Variants in HLCS observed in about 807,000 individuals in gnomAD.
HLCS encodes biotin--protein ligase.
Under a neutral mutation model 75.0 loss-of-function variants are expected in HLCS, and 53 were observed. The ratio of observed to expected loss-of-function variants is 0.71; its 90% CI spans 0.57 to 0.89. The LOEUF is 0.89. HLCS is among the 40% of genes least tolerant of loss of function. HLCS has a pLI of 0.00. For synonymous variants in HLCS, 431 were observed against 428.6 expected, an observed-to-expected ratio of 1.01 and a Z score of -0.07; for missense variants, 966 against 1,074.0, an observed-to-expected ratio of 0.90 and a Z score of 1.41.
chr21:36,839,719 A>C (rs2062550827), intron 6 of HLCS, among the ~76,000 whole-genome samples: 1 of 136,476 alleles, frequency 7.3e-6, no homozygotes, highest in African/African-American at 2.8e-5. Flanking sequence ...AATATCCTAC[A>C]CACATGTTTC....
chr21:36,920,043 G>C (rs926252493), intron 5 of HLCS, among the ~76,000 whole-genome samples: 7 of 152,242 alleles, frequency 4.6e-5, no homozygotes, highest in Admixed American at 2.6e-4. Context: ...ATGAGAATTT[G>C]GTGACGCACC....
chr21:36,888,441 AAAAAATATATATATATATATATAT>A (rs1436611817), intron 6 of HLCS, among the ~76,000 whole-genome samples: 14 of 31,548 alleles, frequency 4.4e-4, no homozygotes, highest in South Asian at 1.5e-3. Flanking sequence ...TTAAAAAAAA[AAAAAATATATATATATATATATAT>A]ATATATATAT....
At chr21:36,790,467 G>A (rs1020872123) in intron 6 of HLCS, among the ~76,000 whole-genome samples, 1 of 152,136 alleles carries the variant, frequency 6.6e-6, no homozygotes, top group Non-Finnish European at 1.5e-5. Flanking sequence ...GATGTAGAGG[G>A]TGAAAACAGC....
At chr21:36,763,127 C>T (rs527311270) in intron 8 of HLCS, among the ~76,000 whole-genome samples, 29 of 152,128 alleles carry the variant, frequency 1.9e-4, no homozygotes, top group Non-Finnish European at 4.1e-4. Flanking sequence ...CGAGTTCAAG[C>T]GATTCTTGTG....
chr21:36,834,909 G>A (rs2062354965), intron 6 of HLCS, among the ~76,000 whole-genome samples: 1 of 152,194 alleles, frequency 6.6e-6, no homozygotes, highest in African/African-American at 2.4e-5. Context: ...TTTTTAGGCT[G>A]AAAGATGAGA....
chr21:36,756,607 G>A lies in HLCS; in HGVS notation c.2385C>T (p.Ile795=), dbSNP rs747302103. 3 of 1,614,040 alleles carry A rather than the reference G, an allele frequency of 1.9e-6. No homozygotes were observed. The East Asian group carries it at 6.7e-5, about 36-fold the overall frequency. Residue 795 remains isoleucine (I), a synonymous_variant, in exon 10 of 11, where the codon ATC becomes ATT. Transcript: ENST00000674895. ...ARVVTVLEKL[I]KEFQDKGPNS... is the part of the protein sequence containing the mutation. ...TGGGCCCTTTGTCCTGAAACTCTTT[G>A]ATCAGTTTCTCCAGCACAGTCACGA... is the stretch of plus-strand genomic sequence containing the variant.
chr21:36,844,916 C>T (rs1004475035), intron 6 of HLCS, among the ~76,000 whole-genome samples: 9 of 152,178 alleles, frequency 5.9e-5, no homozygotes, highest in East Asian at 3.9e-4. Flanking sequence ...CTATTAAAGA[C>T]GGGGTTTCAA....
At chr21:36,901,225 A>G (rs1222619119) in intron 5 of HLCS, among the ~76,000 whole-genome samples, 1 of 152,170 alleles carries the variant, frequency 6.6e-6, no homozygotes, top group East Asian at 1.9e-4. Context: ...CCTGAGCAAC[A>G]GAGAAAGACT....
intron 6 of HLCS, among the ~76,000 whole-genome samples, chr21:36,853,971 T>C (rs2063100952): frequency 6.6e-6 from 1 of 152,224 alleles, no homozygotes; most frequent in African/African-American, 2.4e-5. Context: ...AAATGGGTTA[T>C]ATTAGTATAT....
chr21:36,896,958 G>T lies in HLCS; in HGVS notation c.1794C>A (p.Phe598Leu), dbSNP rs1601665712. 1 of 1,614,164 alleles carries T rather than the reference G, an allele frequency of 6.2e-7. No individual in the cohort carries two copies. The highest frequency in any genetic ancestry group is 8.5e-7 in the Non-Finnish European group (1 of 1,180,022). ...GATTTTGGCGATAGATCTCTAAGTT[G>T]AAATGTTCTGATGAGAAGGCCTCCA... ...TNMEAFSSEH[F>L]NLEIYRQNLQ... Residue 598 changes from phenylalanine (F) to leucine (L), a missense_variant, in exon 6 of 11, where the codon TTC becomes TTA. Coordinates refer to ENST00000674895, the MANE Select transcript of HLCS (RefSeq NM_001352514.2).
chr21:36,786,959 G>A (rs1158717477), intron 6 of HLCS, among the ~76,000 whole-genome samples: 1 of 152,212 alleles, frequency 6.6e-6, no homozygotes, highest in Non-Finnish European at 1.5e-5. Flanking sequence ...TTCGGCAGGG[G>A]TGGTCGGGGC....
At chr21:36,890,163 C>A (rs536388421) in intron 6 of HLCS, among the ~76,000 whole-genome samples, 1 of 152,330 alleles carries the variant, frequency 6.6e-6, no homozygotes, top group South Asian at 2.1e-4. Flanking sequence ...GAGGCCTCCC[C>A]AGCCGTGCTG....
At chr21:36,929,359 T>C (rs1347326388) in intron 5 of HLCS, among the ~76,000 whole-genome samples, 7 of 152,242 alleles carry the variant, frequency 4.6e-5, no homozygotes, top group African/African-American at 1.2e-4. Flanking sequence ...GGACTGGCAG[T>C]GCTCTCAGAT....
At chr21:36,808,588 G>C (rs942117261) in intron 6 of HLCS, among the ~76,000 whole-genome samples, 23 of 152,088 alleles carry the variant, frequency 1.5e-4, no homozygotes, top group African/African-American at 5.6e-4. Flanking sequence ...CCTTACAGCT[G>C]TTACATGTAT....
At chr21:36,897,752 G>T (rs2065071014) in intron 5 of HLCS, among the ~76,000 whole-genome samples, 1 of 152,152 alleles carries the variant, frequency 6.6e-6, no homozygotes, top group Non-Finnish European at 1.5e-5. Flanking sequence ...GGAGGAGAAG[G>T]AAGGCAAAAC....
intron 6 of HLCS, among the ~76,000 whole-genome samples, chr21:36,813,434 A>T (rs2061569728): frequency 6.6e-6 from 1 of 152,228 alleles, no homozygotes; most frequent in South Asian, 2.1e-4. Context: ...GTCCTGAAAG[A>T]ATTCTACCAC....
intron 5 of HLCS, among the ~76,000 whole-genome samples, chr21:36,921,606 G>A (rs1046561085): frequency 6.6e-6 from 1 of 152,094 alleles, no homozygotes. Flanking sequence ...CCTATGATAC[G>A]CATGTTCAGG....
At chr21:36,880,161 C>G (rs1448649060) in intron 6 of HLCS, among the ~76,000 whole-genome samples, 1 of 152,166 alleles carries the variant, frequency 6.6e-6, no homozygotes, top group African/African-American at 2.4e-5. Flanking sequence ...CACTTCATGA[C>G]AATTTTCCAG....
At chr21:36,828,275 T>C (rs1254653571) in intron 6 of HLCS, among the ~76,000 whole-genome samples, 1 of 152,150 alleles carries the variant, frequency 6.6e-6, no homozygotes, top group African/African-American at 2.4e-5. Context: ...GGAGCTGAGC[T>C]TTGCTAATAG....
Sources: allele counts gnomAD v4.1 joint callset (sites outside exome capture counted in the v4.1 genomes callset), GRCh38; gene constraint gnomAD v4.1.1; transcripts MANE v1.5; gene names NCBI Gene and HGNC (gene_info 2026-07-23, HGNC 2026-07-21).